The following CDH12 variants were observed in gnomAD, a reference collection of about 807,000 sequenced individuals.
CDH12 encodes cadherin-12.
A neutral mutation model predicts 74.1 loss-of-function variants in CDH12; 41 were observed. That is an observed-to-expected ratio of 0.55 (90% CI 0.43 to 0.72). The LOEUF (loss-of-function observed/expected upper bound fraction) is 0.72. Ranked by LOEUF, CDH12 falls within the 30% of genes least tolerant of loss-of-function variation. The pLI, the probability that CDH12 is intolerant of heterozygous loss-of-function variation, is 0.00. For synonymous variants in CDH12, 399 were observed against 355.0 expected (o/e 1.12, Z -1.39); for missense variants, 945 against 977.2 (o/e 0.97, Z 0.44).
chr5:22,615,037 C>CA, intron 1 of CDH12, among the ~76,000 whole-genome samples: 1 of 151,944 alleles, frequency 6.6e-6, no homozygotes, highest in East Asian at 1.9e-4. Context: ...ACTTAAAATG[C>CA]AAAAATTATT....
Position 21,751,704 on chromosome 5 carries a change from C to A in CDH12, c.*33G>T. ...TTCTTTTTCTTTTTTAAAAATCTCC[C>A]CTCTCGGTTGTATTTTAGCCTCCAC... On this transcript the variant is annotated 3_prime_UTR_variant, in exon 15 of 15. Transcript: ENST00000382254. 1.3e-6 allele frequency: 2 copies of A among 1,551,294 alleles called. No homozygotes were observed. The highest frequency in any genetic ancestry group is 1.2e-5 in the South Asian group (1 of 81,960).
chr5:22,366,758 C>A (rs1405386023), intron 3 of CDH12, among the ~76,000 whole-genome samples: 1 of 152,132 alleles, frequency 6.6e-6, no homozygotes, highest in Admixed American at 6.5e-5. Flanking sequence ...ACTAGCTTCA[C>A]AGTTTAGATA....
chr5:21,949,273 A>T (rs1451807700), intron 6 of CDH12, among the ~76,000 whole-genome samples: 1 of 151,678 alleles, frequency 6.6e-6, no homozygotes, highest in Non-Finnish European at 1.5e-5. Context: ...ACATGGTGAA[A>T]CCCCATCTCT....
Position 22,394,177 on chromosome 5 carries a change from A to T in CDH12, c.-333+11080T>A, listed in dbSNP as rs1454447459. On this transcript the variant is annotated intron_variant, in intron 3 of 14. Coordinates refer to ENST00000382254, the MANE Select transcript of CDH12 (RefSeq NM_004061.5). The stretch of plus-strand genomic sequence containing the variant: ...GACAACCTTCTGCCAAAGGATTACA[A>T]ATTAAAAATTTACTTTTAAATCTCA... Among the ~76,000 whole-genome samples, 5 of 152,148 alleles carry T rather than the reference A, an allele frequency of 3.3e-5. No homozygotes were observed. In the South Asian group the frequency reaches 1.0e-3, roughly 32 times the overall value.
intron 1 of CDH12, among the ~76,000 whole-genome samples, chr5:22,508,884 A>G (rs891744441): frequency 1.3e-5 from 2 of 152,142 alleles, no homozygotes; most frequent in Non-Finnish European, 2.9e-5. Context: ...CCTTGGGCAC[A>G]TAGTCTCAGG....
At chr5:22,104,066 T>C (rs1009420680) in intron 4 of CDH12, among the ~76,000 whole-genome samples, 4 of 152,196 alleles carry the variant, frequency 2.6e-5, no homozygotes, top group South Asian at 4.1e-4. Flanking sequence ...GAACTCACAA[T>C]GGAAAGTTAT....
chr5:22,658,787 T>C (rs1321154397), intron 1 of CDH12, among the ~76,000 whole-genome samples: 1 of 152,146 alleles, frequency 6.6e-6, no homozygotes, highest in Non-Finnish European at 1.5e-5. Context: ...GAGGCAGAGA[T>C]AAACCAAACA....
At chr5:21,783,606 C>T (rs982299236) in intron 10 of CDH12, 112 bp from the exon 11 acceptor site, 2 of 745,408 alleles carry the variant, frequency 2.7e-6, no homozygotes, top group African/African-American at 3.5e-5. Flanking sequence ...TATTACCCAC[C>T]TTGCAATAAA....
chr5:22,487,313 T>A (rs1746649228), intron 2 of CDH12, among the ~76,000 whole-genome samples: 1 of 152,152 alleles, frequency 6.6e-6, no homozygotes, highest in Non-Finnish European at 1.5e-5. Flanking sequence ...ATGCATATAT[T>A]TTGAACAAAC....
chr5:22,525,326 C>T (rs1409646107), intron 1 of CDH12, among the ~76,000 whole-genome samples: 2 of 152,106 alleles, frequency 1.3e-5, no homozygotes, highest in Non-Finnish European at 2.9e-5. Context: ...CAAAACAAAT[C>T]ACATGACCAT....
chr5:22,825,310 G>A (rs560065771), intron 1 of CDH12, among the ~76,000 whole-genome samples: 1 of 151,996 alleles, frequency 6.6e-6, no homozygotes, highest in Admixed American at 6.6e-5. Context: ...CAACAAATTA[G>A]ATACATTAAA....
intron 6 of CDH12, among the ~76,000 whole-genome samples, chr5:21,879,278 C>G (rs1752115260): frequency 6.7e-6 from 1 of 149,190 alleles, no homozygotes; most frequent in African/African-American, 2.6e-5. Flanking sequence ...CATAGGATAA[C>G]AGTTTATCTA....
chr5:22,842,855 A>C (rs1341122487), intron 1 of CDH12, among the ~76,000 whole-genome samples: 5 of 152,072 alleles, frequency 3.3e-5, no homozygotes. Context: ...CAGTTTTCTA[A>C]ATCTATTTTA....
At chr5:22,594,818 C>T (rs1736521796) in intron 1 of CDH12, among the ~76,000 whole-genome samples, 1 of 152,030 alleles carries the variant, frequency 6.6e-6, no homozygotes, top group Admixed American at 6.6e-5. Context: ...GGAAAAAATA[C>T]AAGGACTGGC....
At chr5:22,080,120 G>A (rs1742623110) in intron 4 of CDH12, among the ~76,000 whole-genome samples, 1 of 152,078 alleles carries the variant, frequency 6.6e-6, no homozygotes, top group Non-Finnish European at 1.5e-5. Context: ...GAAAACGTTG[G>A]AAGCCAGAAA....
At chr5:22,457,826 C>T (rs1745344912) in intron 2 of CDH12, among the ~76,000 whole-genome samples, 1 of 152,126 alleles carries the variant, frequency 6.6e-6, no homozygotes, top group Non-Finnish European at 1.5e-5. Flanking sequence ...CTCACTGCAA[C>T]CTCCGCCTCC....
At chr5:22,012,598 G>C (rs1737366747) in intron 5 of CDH12, among the ~76,000 whole-genome samples, 1 of 152,122 alleles carries the variant, frequency 6.6e-6, no homozygotes, top group Admixed American at 6.6e-5. Flanking sequence ...AATTGTAATA[G>C]AGTTTAGTAG....
intron 8 of CDH12, among the ~76,000 whole-genome samples, chr5:21,819,117 A>C (rs1360629602): frequency 6.6e-6 from 1 of 152,034 alleles, no homozygotes; most frequent in Non-Finnish European, 1.5e-5. Context: ...CAGAAGGATA[A>C]AGCCAGATAT....
intron 4 of CDH12, among the ~76,000 whole-genome samples, chr5:22,099,098 TA>T (rs1743982298): frequency 2.0e-5 from 3 of 152,084 alleles, no homozygotes; most frequent in African/African-American, 7.2e-5. Flanking sequence ...GTCAGAAAAC[TA>T]AAATACCTCT....
Sources: allele counts gnomAD v4.1 joint callset (sites outside exome capture counted in the v4.1 genomes callset), GRCh38; gene constraint gnomAD v4.1.1; transcripts MANE v1.5; gene names NCBI Gene and HGNC (gene_info 2026-07-23, HGNC 2026-07-21).